Variants in FHIP2A observed in about 807,000 individuals in gnomAD.
The protein encoded by FHIP2A is FHF complex subunit HOOK interacting protein 2A.
Under a neutral mutation model 93.5 loss-of-function variants are expected in FHIP2A, and 46 were observed. That is an observed-to-expected ratio of 0.49 (90% CI 0.39 to 0.63). The LOEUF (loss-of-function observed/expected upper bound fraction) is 0.63. Ranked by LOEUF, FHIP2A falls within the 20% of genes least tolerant of loss-of-function variation. The pLI is 0.00. For synonymous variants in FHIP2A, 332 were observed against 326.5 expected (o/e 1.02, Z -0.18); for missense variants, 769 against 909.7 (o/e 0.85, Z 1.99).
At chr10:114,834,910 A>G (rs577754597) in intron 3 of FHIP2A, among the ~76,000 whole-genome samples, 43 of 152,362 alleles carry the variant, frequency 2.8e-4, no homozygotes, top group South Asian at 1.7e-3. Flanking sequence ...AAACCTGTCT[A>G]TGCAAAGGGC....
chr10:114,833,453 G>A lies in FHIP2A; in HGVS notation c.294+51G>A, dbSNP rs750016698. On this transcript the variant is annotated intron_variant, in intron 3 of 16. Coordinates refer to ENST00000369248, the MANE Select transcript of FHIP2A (RefSeq NM_020940.4). The stretch of plus-strand genomic sequence containing the variant: ...CTTGGGCATTAGTACATGCATTAAT[G>A]TCTTACGAATAAAGAAGCTGCCAAA... 10 of 1,500,980 alleles carry A rather than the reference G, an allele frequency of 6.7e-6. No homozygotes were observed. In the South Asian group the frequency reaches 8.1e-5, roughly 12 times the overall value. The allele number at this position is 1,500,980 out of a possible 1,614,324, so 93.0% of individuals were successfully genotyped here. A position where few individuals can be genotyped will look rare whatever the true frequency, so the allele number is the denominator to read the frequency against.
rs1354826527 is a variant in FHIP2A, at chr10:114,863,318, T to A, written c.*1778T>A. On this transcript the variant is annotated 3_prime_UTR_variant, in exon 17 of 17. Transcript: ENST00000369248. ...ATTTCTAGATGTAGTAACAGTCTAC[T>A]TTGATATATGAGTATTTAAACTAAG... 4 of 979,700 alleles carry A rather than the reference T, an allele frequency of 4.1e-6. No homozygotes were observed. Among genetic ancestry groups the A allele is most frequent in the South Asian group, 4.7e-5 (1 of 21,260 alleles). The allele number at this position is 979,700 out of a possible 1,614,324, so 60.7% of individuals were successfully genotyped here. A position where few individuals can be genotyped will look rare whatever the true frequency, so the allele number is the denominator to read the frequency against.
At chr10:114,841,375 C>T (rs1267371605) in intron 5 of FHIP2A, among the ~76,000 whole-genome samples, 1 of 148,100 alleles carries the variant, frequency 6.8e-6, no homozygotes, top group Admixed American at 6.8e-5. Context: ...TCACTGCAAC[C>T]TCTGCCTCCC....
In FHIP2A at chr10:114,843,006, C is replaced by T. The variant is rs758190764; in HGVS notation, c.596C>T (p.Ser199Phe). The T allele has an allele frequency of 3.1e-5, 50 of 1,613,304 alleles. No individual in the cohort carries two copies. Among genetic ancestry groups the T allele is most frequent in the Non-Finnish European group, 4.2e-5 (49 of 1,179,442 alleles). Residue 199 changes from serine (S) to phenylalanine (F), a missense_variant, in exon 6 of 17, where the codon TCC (serine) becomes TTC (phenylalanine). Transcript: ENST00000369248. ...ISEDTLKGQD[S>F]LSTDTGQSRQ... ...GAAGATACATTAAAAGGTCAGGATT[C>T]CTTGTCAACAGATACAGGACAGTCC...
intron 13 of FHIP2A, among the ~76,000 whole-genome samples, chr10:114,849,594 C>A (rs895940631): frequency 6.6e-5 from 10 of 152,170 alleles, no homozygotes; most frequent in Non-Finnish European, 7.3e-5. Flanking sequence ...ATTCCTCCTG[C>A]AAAGAAAACT....
At chr10:114,893,653 G>A (rs2083986571) in intron 16 of FHIP2A, among the ~76,000 whole-genome samples, 1 of 152,000 alleles carries the variant, frequency 6.6e-6, no homozygotes, top group East Asian at 1.9e-4. Flanking sequence ...ACCATAATAA[G>A]CAATAAATTC....
chr10:114,821,904 C>G lies in FHIP2A; in HGVS notation c.-175C>G. The G allele has an allele frequency of 3.1e-6, 1 of 321,374 alleles. No individual in the cohort carries two copies. The highest frequency in any genetic ancestry group is 5.6e-6 in the Non-Finnish European group (1 of 177,040). The allele number at this position is 321,374 out of a possible 1,614,324, so 19.9% of individuals were successfully genotyped here. ...GCGCCCTCCGGAGCCGCCGAGCCGC[C>G]CGCGCACACCTGAAGCGGCCGGGCC... On this transcript the variant is annotated 5_prime_UTR_variant, in exon 1 of 17. Coordinates refer to ENST00000369248, the MANE Select transcript of FHIP2A (RefSeq NM_020940.4).
At chr10:114,849,732 G>A (rs1447669399) in intron 13 of FHIP2A, among the ~76,000 whole-genome samples, 2 of 152,104 alleles carry the variant, frequency 1.3e-5, no homozygotes, top group Non-Finnish European at 2.9e-5. Flanking sequence ...ACCCCAGAAA[G>A]AAACCCGGTA....
intron 1 of FHIP2A, 34 bp downstream of exon 1, chr10:114,822,157 G>C (rs964932657): frequency 8.0e-7 from 1 of 1,255,400 alleles, no homozygotes; most frequent in Non-Finnish European, 1.0e-6. Context: ...ACGGCAGGCC[G>C]GGGATGGCGG....
chr10:114,875,702 AAGAAAGAAAGAGAG>A (rs2083881724), intron 16 of FHIP2A, among the ~76,000 whole-genome samples: 1 of 150,068 alleles, frequency 6.7e-6, no homozygotes, highest in African/African-American at 2.5e-5. Flanking sequence ...GAAAGAAAAA[AAGAAAGAAAGAGAG>A]AGAAAGAAAG....
downstream of FHIP2A, among the ~76,000 whole-genome samples, chr10:114,867,548 CT>C (rs1456394564): frequency 2.0e-5 from 3 of 152,300 alleles, no homozygotes; most frequent in African/African-American, 4.8e-5. Flanking sequence ...CCATGCCTTT[CT>C]CCTTACTTTT....
rs1385001755 is a variant in FHIP2A at position 114,864,572 on chromosome 10, C to T, written c.*3032C>T. ...TTACCAGCGTCTGGAATTCTTGGTC[C>T]CTCCGTGGAGAAACTCTTCAGATGG... On this transcript the variant is annotated 3_prime_UTR_variant, in exon 17 of 17. Transcript: ENST00000369248. The T allele has an allele frequency of 2.0e-6, 2 of 985,660 alleles. No individual in the cohort carries two copies. The highest frequency in any genetic ancestry group is 2.3e-4 in the East Asian group (2 of 8,830). The allele number at this position is 985,660 out of a possible 1,614,324, so 61.1% of individuals were successfully genotyped here.
rs575437140 is a variant in FHIP2A at position 114,861,583 on chromosome 10, C to T, written c.*43C>T. ...ACTGGGGGAACAGAACTACTGTGTACATTTCACCAAAAAAGACTCAGTTCC... is the reference window on the plus strand; with the variant it reads ...ACTGGGGGAACAGAACTACTGTGTATATTTCACCAAAAAAGACTCAGTTCC... On this transcript the variant is annotated 3_prime_UTR_variant, in exon 17 of 17. Coordinates refer to ENST00000369248, the MANE Select transcript of FHIP2A (RefSeq NM_020940.4). 5 of 1,597,992 alleles carry T rather than the reference C, an allele frequency of 3.1e-6. No individual in the cohort carries two copies. Among genetic ancestry groups the T allele is most frequent in the Non-Finnish European group, 4.3e-6 (5 of 1,174,544 alleles).
intron 16 of FHIP2A, among the ~76,000 whole-genome samples, chr10:114,888,941 TG>T (rs915173390): frequency 6.6e-6 from 1 of 152,186 alleles, no homozygotes; most frequent in African/African-American, 2.4e-5. Context: ...AGTTTGCTGA[TG>T]AAGTTTTGCT....
At chr10:114,897,693 T>C (rs77028382) in intron 16 of FHIP2A, among the ~76,000 whole-genome samples, 4,469 of 152,246 alleles carry the variant, frequency 0.029, 128 homozygotes, top group African/African-American at 0.076. Flanking sequence ...GCAGATTGCT[T>C]GAGCCCCTGA....
intron 16 of FHIP2A, among the ~76,000 whole-genome samples, chr10:114,883,451 T>G (rs2143015363): frequency 6.6e-6 from 1 of 152,312 alleles, no homozygotes; most frequent in African/African-American, 2.4e-5. Context: ...AATTATGTAC[T>G]ATTAAAGTAA....
intron 14 of FHIP2A, among the ~76,000 whole-genome samples, chr10:114,860,009 G>A (rs1336871397): frequency 6.6e-6 from 1 of 152,112 alleles, no homozygotes; most frequent in Admixed American, 6.5e-5. Context: ...ATAATCTGAG[G>A]TGAGGAATAT....
intron 1 of FHIP2A, among the ~76,000 whole-genome samples, chr10:114,823,510 T>A (rs1452889619): frequency 1.3e-5 from 2 of 151,784 alleles, no homozygotes; most frequent in South Asian, 2.1e-4. Context: ...TTATTTATTT[T>A]TTGAGACCGA....
At chr10:114,878,503 G>A (rs972182444) in intron 16 of FHIP2A, among the ~76,000 whole-genome samples, 4 of 152,186 alleles carry the variant, frequency 2.6e-5, no homozygotes, top group Admixed American at 1.3e-4. Flanking sequence ...CCTTGGCTGG[G>A]CGCAGTGGCT....
Sources: gnomAD v4.1 joint callset for allele counts (sites outside exome capture counted in the v4.1 genomes callset) on GRCh38, gnomAD v4.1.1 for gene constraint, MANE v1.5 for transcripts, NCBI Gene and HGNC (gene_info 2026-07-23, HGNC 2026-07-21) for gene names.